TBC1D16: variants seen among roughly 807,000 people sequenced by gnomAD.
TBC1D16 encodes the protein CTD-2529O21.1.
A neutral mutation model predicts 74.7 loss-of-function variants in TBC1D16; 58 were observed. The observed-to-expected ratio is 0.78, with a 90% CI of 0.63 to 0.97. TBC1D16 has a LOEUF of 0.97. Among genes scored for constraint, TBC1D16 ranks in the 50% least tolerant of loss-of-function variants. The pLI is 0.00. For missense variants in TBC1D16, 1,014 were observed against 1,079.5 expected, an observed-to-expected ratio of 0.94 and a Z score of 0.85; for synonymous variants, 493 against 474.7, an observed-to-expected ratio of 1.04 and a Z score of -0.50.
chr17:79,945,212 C>G (rs1399410248), intron 9 of TBC1D16, 125 bp from the exon 10 acceptor site: 2 of 1,024,978 alleles, frequency 2.0e-6, no homozygotes, highest in African/African-American at 3.2e-5. Flanking sequence ...CCAGGGGCCT[C>G]TACCTGCTGC....
Position 79,983,311 on chromosome 17 carries a change from G to A in TBC1D16, c.779+26849C>T, listed in dbSNP as rs538361887. ...TGGCCCCACCCCAGGAAATGCAGTC[G>A]GTGTGTCTTAGGAGGTTGAGTGCAC... On this transcript the variant is annotated intron_variant, in intron 3 of 11. Transcript: ENST00000310924. The surrounding 1 kb of genome is among the most constrained non-coding windows in gnomAD (Gnocchi z 5.6). Among the ~76,000 whole-genome samples, 3 of 152,334 alleles carry A rather than the reference G, an allele frequency of 2.0e-5. No homozygotes were observed. Among genetic ancestry groups the A allele is most frequent in the Admixed American group, 6.5e-5 (1 of 15,306 alleles).
chr17:80,017,053 G>A (rs775856301), intron 1 of TBC1D16, among the ~76,000 whole-genome samples: 8 of 152,124 alleles, frequency 5.3e-5, no homozygotes, highest in South Asian at 4.2e-4. Context: ...CCGTCTCCAG[G>A]GCCCTCATCC....
intron 2 of TBC1D16, among the ~76,000 whole-genome samples, chr17:80,012,031 G>T (rs927408147): frequency 8.6e-5 from 13 of 152,038 alleles, no homozygotes; most frequent in Non-Finnish European, 1.2e-4. Context: ...GCTCAGTTCT[G>T]GGGGGAGGTG....
Position 79,940,766 on chromosome 17 carries a change from C to A in TBC1D16, c.*93G>T. On this transcript the variant is annotated 3_prime_UTR_variant, in exon 12 of 12. Coordinates refer to ENST00000310924, the MANE Select transcript of TBC1D16 (RefSeq NM_019020.4). The surrounding 1 kb of genome is among the most constrained non-coding windows in gnomAD (Gnocchi z 5.4). ...AGCATTTTCCTTAGGTTTCTACCGT[C>A]CCCTGTCCCCTTCACGCCCAGCCCC... The A allele has an allele frequency of 7.2e-7, 1 of 1,384,500 alleles. No homozygotes were observed. The highest frequency in any genetic ancestry group is 1.7e-5 in the South Asian group (1 of 59,178). 85.8% of individuals were successfully genotyped at this position (1,384,500 alleles called of 1,614,324 possible).
chr17:79,997,124 G>A (rs2035302827), intron 3 of TBC1D16, among the ~76,000 whole-genome samples: 1 of 152,192 alleles, frequency 6.6e-6, no homozygotes, highest in Non-Finnish European at 1.5e-5. Context: ...GAACCCTGCG[G>A]TGGGGGAGTG....
chr17:79,941,622 G>A lies in TBC1D16; in HGVS notation c.2055+438C>T, dbSNP rs560198929. 1.3e-4 allele frequency among the ~76,000 whole-genome samples: 20 copies of A among 152,334 alleles called. No homozygotes were observed. The highest frequency in any genetic ancestry group is 4.1e-4 in the African/African-American group (17 of 41,594). Reference sequence around the variant, plus strand: ...CTAACGGGCAGCATCTCCAGGAGGCGTCTGGGAAGTGGGGGAGGGGGCCAA... The same window carrying A: ...CTAACGGGCAGCATCTCCAGGAGGCATCTGGGAAGTGGGGGAGGGGGCCAA... On this transcript the variant is annotated intron_variant, in intron 11 of 11. Transcript: ENST00000310924. The surrounding 1 kb of genome is among the most constrained non-coding windows in gnomAD (Gnocchi z 4.3).
At position 79,987,539 on chromosome 17, in the gene TBC1D16, G is replaced by A. The variant is rs981562319; in HGVS notation, c.779+22621C>T. On this transcript the variant is annotated intron_variant, in intron 3 of 11. Coordinates refer to ENST00000310924, the MANE Select transcript of TBC1D16 (RefSeq NM_019020.4). This position sits in a 1 kb window ranked among gnomAD's most constrained non-coding sequence, Gnocchi z 5.2. The stretch of plus-strand genomic sequence containing the variant: ...TAGGATTACAGGCATGAGTCATCAT[G>A]CCTGACCTATTTTTAAACCAGAATA... Among the ~76,000 whole-genome samples the A allele has an allele frequency of 6.6e-6, 1 of 152,120 alleles. No homozygotes were observed. The highest frequency in any genetic ancestry group is 1.5e-5 in the Non-Finnish European group (1 of 68,020).
Position 80,009,465 on chromosome 17 carries a change from A to G in TBC1D16, c.779+695T>C, listed in dbSNP as rs75024581. Among the ~76,000 whole-genome samples, 207 of 152,328 alleles carry G rather than the reference A, an allele frequency of 1.4e-3. 5 individuals are homozygous for G. In the East Asian group the frequency reaches 0.034, roughly 25 times the overall value. On this transcript the variant is annotated intron_variant, in intron 3 of 11. Coordinates refer to ENST00000310924, the MANE Select transcript of TBC1D16 (RefSeq NM_019020.4). The surrounding 1 kb of genome is among the most constrained non-coding windows in gnomAD (Gnocchi z 5.4). ...TCTCTTTGGGTTCCAAGGCCCAGGG[A>G]ACCCACCGCAGGGCACGGGCCCAAC...
intron 2 of TBC1D16, among the ~76,000 whole-genome samples, chr17:80,011,711 A>G (rs887410780): frequency 2.6e-5 from 4 of 152,064 alleles, no homozygotes; most frequent in African/African-American, 9.7e-5. Context: ...CTGTAGTCCC[A>G]GCTACTTGGG....
In TBC1D16 at chr17:79,987,022, G is replaced by A. The variant is rs1285968306; in HGVS notation, c.779+23138C>T. On this transcript the variant is annotated intron_variant, in intron 3 of 11. Transcript: ENST00000310924. This position sits in a 1 kb window ranked among gnomAD's most constrained non-coding sequence, Gnocchi z 5.2. ...AGAGGGACCCTGAATTTTGAGGTGG[G>A]GCCACAGAACCTCCCTTGAGAGCCA... Among the ~76,000 whole-genome samples, 2 of 152,190 alleles carry A rather than the reference G, an allele frequency of 1.3e-5. No homozygotes were observed. Among genetic ancestry groups the A allele is most frequent in the Non-Finnish European group, 1.5e-5 (1 of 68,036 alleles).
chr17:80,022,100 A>G (rs1445785369), intron 1 of TBC1D16, among the ~76,000 whole-genome samples: 1 of 149,902 alleles, frequency 6.7e-6, no homozygotes, highest in Non-Finnish European at 1.5e-5. Context: ...AAAGATCGTT[A>G]AACATTGGTC....
At chr17:79,951,418 G>A (rs574518300) in intron 5 of TBC1D16, 32 bp downstream of exon 5, 33 of 1,607,104 alleles carry the variant, frequency 2.1e-5, no homozygotes, top group South Asian at 9.9e-5. Context: ...AGTGTCAACC[G>A]CTGGGCATTC....
rs1490787351 is a variant in TBC1D16, at chr17:79,975,748, C to T, written c.780-22930G>A. Among the ~76,000 whole-genome samples, 1 of 152,252 alleles carries T rather than the reference C, an allele frequency of 6.6e-6. No individual in the cohort carries two copies. Among genetic ancestry groups the T allele is most frequent in the South Asian group, 2.1e-4 (1 of 4,834 alleles). On this transcript the variant is annotated intron_variant, in intron 3 of 11. Transcript: ENST00000310924. This position sits in a 1 kb window ranked among gnomAD's most constrained non-coding sequence, Gnocchi z 4.5. Reference sequence around the variant, plus strand: ...ACCTGTCGCTGGCTGCCCACTAACGCTCCCAGCAGCCCTTAGTACAATACA... The same window carrying T: ...ACCTGTCGCTGGCTGCCCACTAACGTTCCCAGCAGCCCTTAGTACAATACA...
rs2033408142 is a variant in TBC1D16 at position 79,957,847 on chromosome 17, A to G, written c.780-5029T>C. On this transcript the variant is annotated intron_variant, in intron 3 of 11. Transcript: ENST00000310924. ...TGAAACTAAAACAGCTTCAAAAAAT[A>G]ACATCTATTAAAAAAAAAAAACCAA... Among the ~76,000 whole-genome samples the G allele has an allele frequency of 2.3e-5, 3 of 128,746 alleles. No individual in the cohort carries two copies. The South Asian group carries it at 8.4e-4, about 36-fold the overall frequency. 84.5% of individuals were successfully genotyped at this position (128,746 alleles called of 152,430 possible).
chr17:80,012,512 T>C (rs2035932645), intron 2 of TBC1D16, among the ~76,000 whole-genome samples: 1 of 152,246 alleles, frequency 6.6e-6, no homozygotes, highest in Admixed American at 6.5e-5. Flanking sequence ...TTTAAAAATT[T>C]ATTTATTCAG....
chr17:80,021,271 A>G (rs1452878653), intron 1 of TBC1D16, among the ~76,000 whole-genome samples: 2 of 147,032 alleles, frequency 1.4e-5, no homozygotes, highest in Non-Finnish European at 3.0e-5. Flanking sequence ...AAACAAACAA[A>G]CAAACCAGCC....
At chr17:80,006,536 G>T (rs548293634) in intron 3 of TBC1D16, among the ~76,000 whole-genome samples, 1 of 152,208 alleles carries the variant, frequency 6.6e-6, no homozygotes, top group Non-Finnish European at 1.5e-5. Flanking sequence ...CACCACCTCT[G>T]CTTCCTGGGT....
chr17:79,956,796 T>G lies in TBC1D16; in HGVS notation c.780-3978A>C, dbSNP rs1568587498. ...AGCCTTTTAAGTTTGCTGAAAAAAG[T>G]CGATGAGAACCCAGCTGTAGGTCCC... is the stretch of plus-strand genomic sequence containing the variant. On this transcript the variant is annotated intron_variant, in intron 3 of 11. Coordinates refer to ENST00000310924, the MANE Select transcript of TBC1D16 (RefSeq NM_019020.4). This position sits in a 1 kb window ranked among gnomAD's most constrained non-coding sequence, Gnocchi z 4.0. 6.6e-6 allele frequency among the ~76,000 whole-genome samples: 1 copy of G among 152,126 alleles called. No individual in the cohort carries two copies. Among genetic ancestry groups the G allele is most frequent in the Non-Finnish European group, 1.5e-5 (1 of 68,012 alleles).
rs988455377 is a variant in TBC1D16 at position 80,007,275 on chromosome 17, G to A, written c.779+2885C>T. Among the ~76,000 whole-genome samples, 1 of 152,212 alleles carries A rather than the reference G, an allele frequency of 6.6e-6. No homozygotes were observed. Among genetic ancestry groups the A allele is most frequent in the Non-Finnish European group, 1.5e-5 (1 of 68,030 alleles). ...CCCCCCAGCACGGTCTCCGGGTGGGGACGAGTCCCAGGCCAGGCTCGCTGA... is the reference window on the plus strand; with the variant it reads ...CCCCCCAGCACGGTCTCCGGGTGGGAACGAGTCCCAGGCCAGGCTCGCTGA... On this transcript the variant is annotated intron_variant, in intron 3 of 11. Transcript: ENST00000310924. This position sits in a 1 kb window ranked among gnomAD's most constrained non-coding sequence, Gnocchi z 4.5.
Sources: allele counts gnomAD v4.1 joint callset (sites outside exome capture counted in the v4.1 genomes callset), GRCh38; gene constraint gnomAD v4.1.1; non-coding constraint Gnocchi (gnomAD v3.1); transcripts MANE v1.5; gene names NCBI Gene and HGNC (gene_info 2026-07-23, HGNC 2026-07-21).